TDRD3: variants seen among roughly 807,000 people sequenced by gnomAD.
TDRD3 encodes the protein tudor domain-containing protein 3.
Under a neutral mutation model 86.7 loss-of-function variants are expected in TDRD3, and 45 were observed. That is an observed-to-expected ratio of 0.52 (90% CI 0.41 to 0.67). TDRD3 has a LOEUF of 0.67. TDRD3 is among the 30% of genes least tolerant of loss of function. TDRD3 has a pLI of 0.00. For missense variants in TDRD3, 814 were observed against 889.0 expected (o/e 0.92, Z 1.07); for synonymous variants, 298 against 301.7 (o/e 0.99, Z 0.13).
At chr13:60,437,538 C>A (rs1439888272) in intron 1 of TDRD3, among the ~76,000 whole-genome samples, 1 of 151,762 alleles carries the variant, frequency 6.6e-6, no homozygotes, top group Non-Finnish European at 1.5e-5. Context: ...AATTTTACAT[C>A]TCTAGGACTC....
At chr13:60,398,234 G>C (rs1242558400) in intron 1 of TDRD3, among the ~76,000 whole-genome samples, 3 of 152,292 alleles carry the variant, frequency 2.0e-5, no homozygotes, top group African/African-American at 7.2e-5. Flanking sequence ...GTAGGAACGG[G>C]GATGAAAAAG....
chr13:60,558,490 G>A (rs938682046), intron 12 of TDRD3, among the ~76,000 whole-genome samples: 1 of 152,186 alleles, frequency 6.6e-6, no homozygotes, highest in Non-Finnish European at 1.5e-5. Context: ...AATAGGCATA[G>A]ATAGGCATAT....
intron 1 of TDRD3, among the ~76,000 whole-genome samples, chr13:60,419,970 AAG>A (rs1449275404): frequency 6.6e-6 from 1 of 151,986 alleles, no homozygotes. Context: ...AGAAGACAAA[AAG>A]AGATGAAAAG....
chr13:60,463,994 T>C (rs1792123126), intron 4 of TDRD3, among the ~76,000 whole-genome samples: 1 of 152,168 alleles, frequency 6.6e-6, no homozygotes, highest in Non-Finnish European at 1.5e-5. Context: ...GAGTTCTTTA[T>C]TACTTCCTGT....
chr13:60,503,951 A>G (rs2137619751), intron 8 of TDRD3, among the ~76,000 whole-genome samples: 1 of 152,274 alleles, frequency 6.6e-6, no homozygotes, highest in East Asian at 1.9e-4. Flanking sequence ...AACCTTTTAT[A>G]ATGCTTTTTG....
intron 3 of TDRD3, among the ~76,000 whole-genome samples, chr13:60,458,753 C>G (rs1461823340): frequency 1.3e-5 from 2 of 152,080 alleles, no homozygotes; most frequent in Non-Finnish European, 2.9e-5. Flanking sequence ...TTTTTAATTT[C>G]ACTTAATTTT....
intron 3 of TDRD3, among the ~76,000 whole-genome samples, chr13:60,453,111 T>A (rs768890734): frequency 1.9e-4 from 29 of 152,160 alleles, no homozygotes; most frequent in Admixed American, 1.5e-3. Context: ...AACTATGCAA[T>A]ACAAAAGTTT....
At chr13:60,424,504 C>T (rs573629025) in intron 1 of TDRD3, among the ~76,000 whole-genome samples, 1 of 151,776 alleles carries the variant, frequency 6.6e-6, no homozygotes, top group Non-Finnish European at 1.5e-5. Context: ...TGGCAAAACC[C>T]CTTCTCTACT....
intron 8 of TDRD3, among the ~76,000 whole-genome samples, chr13:60,509,329 G>A (rs1265748072): frequency 6.6e-6 from 1 of 151,986 alleles, no homozygotes. Context: ...AAGCTCCTGG[G>A]GGGTATCATT....
chr13:60,483,740 A>G (rs779599179), intron 5 of TDRD3, 35 bp from the exon 6 acceptor site: 2 of 1,576,098 alleles, frequency 1.3e-6, no homozygotes, highest in Admixed American at 1.8e-5. Context: ...TTTTTTATGT[A>G]TAACTGCTCT....
intron 3 of TDRD3, among the ~76,000 whole-genome samples, chr13:60,455,211 C>T (rs566633989): frequency 9.9e-5 from 15 of 152,132 alleles, no homozygotes; most frequent in Non-Finnish European, 1.5e-4. Context: ...CCACACCTGG[C>T]TTATATTTAT....
At chr13:60,432,550 A>G (rs1282179195) in intron 1 of TDRD3, among the ~76,000 whole-genome samples, 2 of 152,192 alleles carry the variant, frequency 1.3e-5, no homozygotes, top group African/African-American at 4.8e-5. Context: ...AGAATAATAT[A>G]TAAAACAAAT....
intron 10 of TDRD3, among the ~76,000 whole-genome samples, chr13:60,527,643 C>T (rs1302642177): frequency 6.6e-6 from 1 of 151,910 alleles, no homozygotes; most frequent in Non-Finnish European, 1.5e-5. Flanking sequence ...TAAAAATTAC[C>T]TTTCTATATT....
At chr13:60,455,531 T>C (rs902230580) in intron 3 of TDRD3, among the ~76,000 whole-genome samples, 2 of 152,134 alleles carry the variant, frequency 1.3e-5, no homozygotes, top group African/African-American at 4.8e-5. Flanking sequence ...GAAGTAGTGA[T>C]GGGGTAGAGA....
intron 12 of TDRD3, among the ~76,000 whole-genome samples, chr13:60,542,931 A>G (rs1332705559): frequency 1.3e-5 from 2 of 152,138 alleles, no homozygotes; most frequent in Non-Finnish European, 2.9e-5. Context: ...TTATTCTAGC[A>G]TCGTGTATAA....
intron 7 of TDRD3, among the ~76,000 whole-genome samples, 177 bp downstream of exon 7, chr13:60,486,125 T>C (rs145216668): frequency 2.6e-5 from 4 of 152,320 alleles, no homozygotes; most frequent in South Asian, 2.1e-4. Flanking sequence ...TTACATATTT[T>C]ATTCATGTGT....
At chr13:60,407,074 C>G (rs532927778) in intron 1 of TDRD3, among the ~76,000 whole-genome samples, 1 of 152,030 alleles carries the variant, frequency 6.6e-6, no homozygotes, top group South Asian at 2.1e-4. Flanking sequence ...TAAATTAAGC[C>G]AGTATTTTAT....
At chr13:60,435,500 T>C (rs1220219707) in intron 1 of TDRD3, among the ~76,000 whole-genome samples, 1 of 152,170 alleles carries the variant, frequency 6.6e-6, no homozygotes, top group Non-Finnish European at 1.5e-5. Context: ...AGCTCCCACT[T>C]ACAAGTGAGA....
In TDRD3 at chr13:60,564,039, G is replaced by A. The variant is rs138413837; in HGVS notation, c.2119-3486G>A. ...TATGTTTGGCGTCAATGATTATTGC[G>A]GTTTTGTATCTTTTCATTAAGAAGG... On this transcript the variant is annotated intron_variant, in intron 12 of 13. Coordinates refer to ENST00000377881, the MANE Select transcript of TDRD3 (RefSeq NM_001146070.2). 2.8e-3 allele frequency among the ~76,000 whole-genome samples: 422 copies of A among 152,152 alleles called. 1 individual carries two copies. Among genetic ancestry groups the A allele is most frequent in the Non-Finnish European group, 4.3e-3 (292 of 68,002 alleles).
Sources: allele counts gnomAD v4.1 joint callset (sites outside exome capture counted in the v4.1 genomes callset), GRCh38; gene constraint gnomAD v4.1.1; transcripts MANE v1.5; gene names NCBI Gene and HGNC (gene_info 2026-07-23, HGNC 2026-07-21).